USP48: variants seen among roughly 807,000 people sequenced by gnomAD.
USP48 encodes ubiquitin carboxyl-terminal hydrolase 48.
Under a neutral mutation model 150.7 loss-of-function variants are expected in USP48, and 43 were observed. That is an observed-to-expected ratio of 0.29 (90% CI 0.22 to 0.37). The LOEUF is 0.37. Among genes scored for constraint, USP48 ranks in the 10% least tolerant of loss-of-function variants. The pLI is 1.00. For missense variants in USP48, 813 were observed against 1,249.6 expected (o/e 0.65, Z 5.27); for synonymous variants, 396 against 425.9 (o/e 0.93, Z 0.86).
intron 24 of USP48, among the ~76,000 whole-genome samples, chr1:21,689,302 T>C (rs1408129775): frequency 2.9e-5 from 3 of 102,300 alleles, no homozygotes; most frequent in Admixed American, 2.8e-4. Flanking sequence ...ATCCATCTAG[T>C]CCAAAAAAAG....
At chr1:21,758,056 T>C (rs1226071691) in intron 1 of USP48, among the ~76,000 whole-genome samples, 3 of 152,090 alleles carry the variant, frequency 2.0e-5, no homozygotes, top group Non-Finnish European at 4.4e-5. Context: ...CCTCCAACAA[T>C]GCAAAATCTC....
chr1:21,709,383 C>T (rs1003622579), intron 15 of USP48, among the ~76,000 whole-genome samples: 1 of 151,886 alleles, frequency 6.6e-6, no homozygotes, highest in Non-Finnish European at 1.5e-5. Context: ...CTTATTCTAA[C>T]GTGCCCATCC....
At chr1:21,698,344 A>C (rs960596708) in intron 22 of USP48, among the ~76,000 whole-genome samples, 9 of 152,226 alleles carry the variant, frequency 5.9e-5, no homozygotes, top group Non-Finnish European at 1.2e-4. Flanking sequence ...AGTATAAAAA[A>C]TAATTACAGT....
intron 1 of USP48, among the ~76,000 whole-genome samples, chr1:21,763,692 G>GT (rs1376004517): frequency 6.6e-6 from 1 of 152,116 alleles, no homozygotes; most frequent in Non-Finnish European, 1.5e-5. Flanking sequence ...GCACATGCCT[G>GT]TAATTCCAGC....
intron 1 of USP48, among the ~76,000 whole-genome samples, chr1:21,782,530 C>T (rs949498894): frequency 6.6e-6 from 1 of 152,200 alleles, no homozygotes; most frequent in Admixed American, 6.5e-5. Context: ...GCCAAGATAC[C>T]CCAACCATCA....
intron 14 of USP48, among the ~76,000 whole-genome samples, chr1:21,719,821 T>C (rs1338808241): frequency 6.6e-6 from 1 of 151,938 alleles, no homozygotes. Context: ...GAGGCGGAGA[T>C]TGCAGGGAGC....
At chr1:21,768,031 C>A (rs2152633731) in intron 1 of USP48, among the ~76,000 whole-genome samples, 1 of 152,170 alleles carries the variant, frequency 6.6e-6, no homozygotes, top group South Asian at 2.1e-4. Flanking sequence ...CATGGTGAAA[C>A]CCCGTCTCTA....
chr1:21,686,935 T>C (rs1021562365), intron 25 of USP48: 1 of 496,450 alleles, frequency 2.0e-6, no homozygotes. Flanking sequence ...TCTGACTTAG[T>C]TTTGCTTCTT....
At chr1:21,684,443 C>T (rs1033598735) in intron 25 of USP48, among the ~76,000 whole-genome samples, 7 of 152,202 alleles carry the variant, frequency 4.6e-5, no homozygotes, top group Admixed American at 4.6e-4. Flanking sequence ...AATGTCTGTT[C>T]AGGTCCGTTG....
At chr1:21,750,797 G>A (rs576441197) in intron 6 of USP48, among the ~76,000 whole-genome samples, 2 of 151,858 alleles carry the variant, frequency 1.3e-5, no homozygotes, top group South Asian at 2.1e-4. Context: ...CAGGAGAATC[G>A]CTTGAATCCG....
Position 21,756,401 on chromosome 1 carries a change from A to G in USP48, c.412+145T>C, listed in dbSNP as rs1017999716. On this transcript the variant is annotated intron_variant, in intron 3 of 26. Transcript: ENST00000308271. ...GAGGCTGAGGCAGGAGAATCGCTTC[A>G]GCCCAGGAGGCAGACGTTGCAGTGA... The G allele has an allele frequency of 7.3e-6, 7 of 960,710 alleles. No homozygotes were observed. The African/African-American group carries it at 1.1e-4, about 15-fold the overall frequency. 59.5% of individuals were successfully genotyped at this position (960,710 alleles called of 1,614,324 possible).
At chr1:21,702,260 C>G (rs560528585) in intron 21 of USP48, among the ~76,000 whole-genome samples, 1 of 151,930 alleles carries the variant, frequency 6.6e-6, no homozygotes, top group Non-Finnish European at 1.5e-5. Context: ...TATAAGTTAC[C>G]CTTCTAAAAA....
At chr1:21,715,567 C>T (rs1314044170) in intron 14 of USP48, 110 bp from the exon 15 acceptor site, 2 of 590,780 alleles carry the variant, frequency 3.4e-6, no homozygotes, top group African/African-American at 3.9e-5. Context: ...CTTTAAAACT[C>T]TGAAAATTAG....
intron 15 of USP48, among the ~76,000 whole-genome samples, chr1:21,709,760 T>G (rs1179059331): frequency 6.6e-6 from 1 of 152,112 alleles, no homozygotes; most frequent in African/African-American, 2.4e-5. Flanking sequence ...TGACTGGCTT[T>G]TAAGTGGGAT....
At chr1:21,776,878 C>T (rs1370783304) in intron 1 of USP48, among the ~76,000 whole-genome samples, 6 of 151,442 alleles carry the variant, frequency 4.0e-5, no homozygotes, top group East Asian at 2.0e-4. Context: ...ACCTGGGAGG[C>T]GGAGGCTGCA....
intron 25 of USP48, among the ~76,000 whole-genome samples, chr1:21,681,901 T>C (rs558476246): frequency 6.6e-6 from 1 of 152,324 alleles, no homozygotes; most frequent in African/African-American, 2.4e-5. Context: ...ACAGTCATCA[T>C]CCCTTCCACT....
chr1:21,779,423 T>C (rs990047496), intron 1 of USP48, among the ~76,000 whole-genome samples: 3 of 151,736 alleles, frequency 2.0e-5, no homozygotes, highest in Admixed American at 1.3e-4. Context: ...GGTGGGCGTC[T>C]GTAATCCCAG....
At chr1:21,730,373 C>A (rs2097753697) in intron 9 of USP48, among the ~76,000 whole-genome samples, 2 of 150,764 alleles carry the variant, frequency 1.3e-5, no homozygotes, top group Non-Finnish European at 3.0e-5. Flanking sequence ...ACCCAGGAGG[C>A]AGAGGTTGCA....
intron 25 of USP48, among the ~76,000 whole-genome samples, chr1:21,682,393 T>TC (rs2097568356): frequency 6.6e-6 from 1 of 152,048 alleles, no homozygotes; most frequent in Non-Finnish European, 1.5e-5. Flanking sequence ...CCATGAACTC[T>TC]CTTCTATGCT....
Sources: gnomAD v4.1 joint callset for allele counts (sites outside exome capture counted in the v4.1 genomes callset) on GRCh38, gnomAD v4.1.1 for gene constraint, MANE v1.5 for transcripts, NCBI Gene and HGNC (gene_info 2026-07-23, HGNC 2026-07-21) for gene names.